Variants in CNTNAP5 observed in about 807,000 individuals in gnomAD.
CNTNAP5 encodes the protein contactin associated protein family member 5.
A neutral mutation model predicts 150.2 loss-of-function variants in CNTNAP5; 72 were observed. The observed-to-expected ratio is 0.48, with a 90% CI of 0.40 to 0.58. The LOEUF is 0.58. CNTNAP5 is among the 20% of genes least tolerant of loss of function. The pLI, the probability that CNTNAP5 is intolerant of heterozygous loss-of-function variation, is 0.00. For missense variants in CNTNAP5, 1,636 were observed against 1,626.2 expected, an observed-to-expected ratio of 1.01 and a Z score of -0.10; for synonymous variants, 672 against 619.8, an observed-to-expected ratio of 1.08 and a Z score of -1.25.
At chr2:124,310,544 A>C (rs1173809633) in intron 3 of CNTNAP5, among the ~76,000 whole-genome samples, 1 of 152,078 alleles carries the variant, frequency 6.6e-6, no homozygotes, top group Non-Finnish European at 1.5e-5. Context: ...CTCCCTTAAC[A>C]AACCCTCGGA....
At chr2:124,516,311 G>C (rs1394687178) in intron 8 of CNTNAP5, among the ~76,000 whole-genome samples, 1 of 151,956 alleles carries the variant, frequency 6.6e-6, no homozygotes, top group Non-Finnish European at 1.5e-5. Flanking sequence ...AGTTGACTGT[G>C]AGACAGTCAA....
At chr2:124,413,758 A>C (rs11898604) in intron 3 of CNTNAP5, among the ~76,000 whole-genome samples, 5,917 of 7,266 alleles carry the variant, frequency 0.81, 2,691 homozygotes, top group Middle Eastern at 1. Context: ...GGAGGGATAG[A>C]ATTGGGAGAT....
At chr2:124,282,252 A>G (rs1020601498) in intron 3 of CNTNAP5, among the ~76,000 whole-genome samples, 3 of 152,180 alleles carry the variant, frequency 2.0e-5, no homozygotes, top group African/African-American at 4.8e-5. Flanking sequence ...ATGTTTAGCT[A>G]CAACAAACCT....
chr2:124,310,936 C>T (rs187231827), intron 3 of CNTNAP5, among the ~76,000 whole-genome samples: 298 of 152,078 alleles, frequency 2.0e-3, no homozygotes, highest in Non-Finnish European at 2.7e-3. Flanking sequence ...TGCCAGTCCT[C>T]GACACTTTCA....
intron 13 of CNTNAP5, among the ~76,000 whole-genome samples, chr2:124,702,134 C>G (rs1679534015): frequency 6.6e-6 from 1 of 151,772 alleles, no homozygotes. Flanking sequence ...TTTCTCATCA[C>G]CTACCAAGGC....
Position 124,588,131 on chromosome 2 carries a change from T to TTTCC in CNTNAP5, c.1757-21647_1757-21644dup, listed in dbSNP as rs142353820. Among the ~76,000 whole-genome samples the TTTCC allele has an allele frequency of 1.8e-3, 71 of 40,082 alleles. 2 individuals are homozygous for TTTCC. The highest frequency in any genetic ancestry group is 6.8e-3 in the African/African-American group (68 of 10,070). The allele number at this position is 40,082 out of a possible 152,430, so 26.3% of individuals were successfully genotyped here. ...CCTTCCCTCCTTTTCCTTCCTTCCTTTTCCTTCCTTCCTTCCTTCCTTCCT... is the reference window on the plus strand; with the variant it reads ...CCTTCCCTCCTTTTCCTTCCTTCCTTTTCCTTCCTTCCTTCCTTCCTTCCTTCCT... On this transcript the variant is annotated intron_variant, in intron 11 of 23. Coordinates refer to ENST00000682447, the MANE Select transcript of CNTNAP5 (RefSeq NM_001367498.1).
rs141851645 is a variant in CNTNAP5 at position 124,246,085 on chromosome 2, A to G, written c.381+3692A>G. On this transcript the variant is annotated intron_variant, in intron 3 of 23. Transcript: ENST00000682447. ...CTTATGTTCACCTGGTCTTCTGCGG[A>G]CCCTCAAATTTTAGATAATATATAG... is the stretch of plus-strand genomic sequence containing the variant. Among the ~76,000 whole-genome samples the G allele has an allele frequency of 3.8e-3, 584 of 152,040 alleles. 5 individuals are homozygous for G. Among genetic ancestry groups the G allele is most frequent in the African/African-American group, 0.014 (563 of 41,464 alleles).
intron 3 of CNTNAP5, among the ~76,000 whole-genome samples, chr2:124,248,146 G>A (rs530261777): frequency 1.3e-4 from 20 of 152,246 alleles, no homozygotes; most frequent in Admixed American, 3.3e-4. Context: ...TTTTGATTAC[G>A]ATCTGATTAC....
intron 6 of CNTNAP5, among the ~76,000 whole-genome samples, chr2:124,451,794 A>T (rs913651219): frequency 6.6e-6 from 1 of 152,124 alleles, no homozygotes; most frequent in Non-Finnish European, 1.5e-5. Context: ...CCACTGGGGA[A>T]CCCGAAGGTC....
intron 5 of CNTNAP5, among the ~76,000 whole-genome samples, chr2:124,443,718 T>C (rs1354003635): frequency 1.8e-4 from 27 of 152,024 alleles, no homozygotes; most frequent in Admixed American, 1.8e-3. Flanking sequence ...TAATCATTGT[T>C]ATTATTGGCT....
At chr2:124,845,229 T>G (rs756782068) in intron 19 of CNTNAP5, among the ~76,000 whole-genome samples, 2 of 152,144 alleles carry the variant, frequency 1.3e-5, no homozygotes, top group Non-Finnish European at 2.9e-5. Flanking sequence ...CTGCATCTAT[T>G]GAGATCATCA....
At chr2:124,330,860 T>C (rs1345309818) in intron 3 of CNTNAP5, among the ~76,000 whole-genome samples, 2 of 152,264 alleles carry the variant, frequency 1.3e-5, no homozygotes, top group Admixed American at 6.5e-5. Flanking sequence ...TCTTTTTGCA[T>C]CTGGAAAACA....
At chr2:124,750,419 G>GCTT (rs1680699470) in intron 14 of CNTNAP5, among the ~76,000 whole-genome samples, 1 of 152,178 alleles carries the variant, frequency 6.6e-6, no homozygotes, top group East Asian at 1.9e-4. Flanking sequence ...ACACTTCTGA[G>GCTT]CTTCATTCAT....
intron 13 of CNTNAP5, among the ~76,000 whole-genome samples, chr2:124,703,359 T>G (rs1011340991): frequency 6.6e-6 from 1 of 151,842 alleles, no homozygotes; most frequent in African/African-American, 2.4e-5. Context: ...ATATCATATA[T>G]ATTTTATTGG....
intron 7 of CNTNAP5, among the ~76,000 whole-genome samples, chr2:124,491,251 T>C (rs747030599): frequency 7.9e-5 from 12 of 152,170 alleles, no homozygotes; most frequent in Non-Finnish European, 1.5e-4. Flanking sequence ...AGTACTGTTC[T>C]ATTCTCTGCT....
chr2:124,124,656 C>G (rs1683643743), intron 1 of CNTNAP5, among the ~76,000 whole-genome samples: 1 of 152,082 alleles, frequency 6.6e-6, no homozygotes, highest in Admixed American at 6.6e-5. Flanking sequence ...TTAAGGGCAG[C>G]CAGAGAGAAA....
chr2:124,425,409 C>T (rs1410731419), intron 4 of CNTNAP5, among the ~76,000 whole-genome samples: 3 of 152,180 alleles, frequency 2.0e-5, no homozygotes, highest in Admixed American at 1.3e-4. Context: ...CTACTGATGA[C>T]GGTAGAAGTC....
chr2:124,325,726 T>C (rs1349551962), intron 3 of CNTNAP5, among the ~76,000 whole-genome samples: 1 of 152,186 alleles, frequency 6.6e-6, no homozygotes, highest in Non-Finnish European at 1.5e-5. Flanking sequence ...ATTTCGAAGC[T>C]TCCTTCCCAG....
chr2:124,727,012 A>C (rs747266177), intron 13 of CNTNAP5, among the ~76,000 whole-genome samples: 1 of 152,004 alleles, frequency 6.6e-6, no homozygotes, highest in Non-Finnish European at 1.5e-5. Flanking sequence ...TGATTTTTAC[A>C]TATTGCATGA....
Sources: gnomAD v4.1 joint callset for allele counts (sites outside exome capture counted in the v4.1 genomes callset) on GRCh38, gnomAD v4.1.1 for gene constraint, MANE v1.5 for transcripts, NCBI Gene and HGNC (gene_info 2026-07-23, HGNC 2026-07-21) for gene names.